Variants in TBC1D2B observed in about 807,000 individuals in gnomAD.
TBC1D2B encodes TBC1 domain family member 2B.
Under a neutral mutation model 100.8 loss-of-function variants are expected in TBC1D2B, and 64 were observed. The observed-to-expected ratio is 0.64, with a 90% confidence interval of 0.52 to 0.78. The LOEUF (loss-of-function observed/expected upper bound fraction) is 0.78, where lower values mean the gene tolerates loss of function less well. Ranked by LOEUF, TBC1D2B falls within the 30% of genes least tolerant of loss-of-function variation. TBC1D2B has a pLI of 0.00. For synonymous variants in TBC1D2B, 480 were observed against 479.7 expected (o/e 1.00, Z -0.01); for missense variants, 1,052 against 1,218.4 (o/e 0.86, Z 2.03).
chr15:78,072,788 T>G (rs1156508023), intron 1 of TBC1D2B, among the ~76,000 whole-genome samples: 2 of 152,180 alleles, frequency 1.3e-5, no homozygotes, highest in Non-Finnish European at 2.9e-5. Flanking sequence ...TTCCCCTAAG[T>G]GCCTCAGATT....
intron 1 of TBC1D2B, among the ~76,000 whole-genome samples, chr15:78,063,560 A>C (rs2073592947): frequency 6.6e-6 from 1 of 152,228 alleles, no homozygotes; most frequent in African/African-American, 2.4e-5. Context: ...TCAGTAGAGA[A>C]GGTCCTCTGG....
At chr15:78,039,157 T>C (rs1203879817) in intron 3 of TBC1D2B, among the ~76,000 whole-genome samples, 2 of 152,218 alleles carry the variant, frequency 1.3e-5, no homozygotes, top group East Asian at 3.8e-4. Flanking sequence ...GCCTTGTCTT[T>C]CTTGGCAGAC....
chr15:78,035,409 C>A (rs1392313435), intron 3 of TBC1D2B, among the ~76,000 whole-genome samples: 2 of 152,252 alleles, frequency 1.3e-5, no homozygotes, highest in African/African-American at 2.4e-5. Flanking sequence ...AACCCCTCCA[C>A]AAACCGCCTG....
intron 2 of TBC1D2B, among the ~76,000 whole-genome samples, chr15:78,050,552 A>G (rs2073292689): frequency 6.6e-6 from 1 of 152,222 alleles, no homozygotes; most frequent in Non-Finnish European, 1.5e-5. Flanking sequence ...TTTGGGTTCT[A>G]GCTACCTCAT....
rs1037419920 is a variant in TBC1D2B, at chr15:78,009,073, G to A, written c.2312C>T (p.Ala771Val). The part of the protein sequence containing the change: ...VALLYLEQED[A>V]FWCLVTIVEV... ...CACTATGGTAACGAGACACCAGAAA[G>A]CATCTTCTTGTTCCAGGTACAGGAG... The change falls in exon 10 of 13, where the codon GCT (alanine) becomes GTT (valine). Residue 771 changes from alanine to valine, a missense_variant. By Grantham distance (64) the Ala-to-Val change is moderately conservative. Around this residue, in one of 4 missense-constraint regions of TBC1D2B, gnomAD observed 373 missense variants for 464.9 expected, o/e 0.80. Coordinates refer to ENST00000300584, the MANE Select transcript of TBC1D2B (RefSeq NM_144572.2). 3.7e-6 allele frequency: 6 copies of A among 1,608,186 alleles called. No homozygotes were observed. Among genetic ancestry groups the A allele is most frequent in the Non-Finnish European group, 3.4e-6 (4 of 1,177,140 alleles).
chr15:78,070,793 G>C (rs1348890994), intron 1 of TBC1D2B, among the ~76,000 whole-genome samples: 1 of 152,204 alleles, frequency 6.6e-6, no homozygotes, highest in African/African-American at 2.4e-5. Flanking sequence ...AAGTAGCTGG[G>C]ACTAAAGACA....
intron 9 of TBC1D2B, among the ~76,000 whole-genome samples, chr15:78,009,746 G>A (rs190928779): frequency 6.0e-4 from 91 of 152,240 alleles, no homozygotes; most frequent in Non-Finnish European, 1.1e-3. Context: ...AGGCCGAGGC[G>A]GGCAGATCAC....
At chr15:78,065,532 C>T (rs1265879167) in intron 1 of TBC1D2B, among the ~76,000 whole-genome samples, 1 of 152,168 alleles carries the variant, frequency 6.6e-6, no homozygotes, top group East Asian at 1.9e-4. Flanking sequence ...AAAGGGAGCA[C>T]GAGGCCTCCA....
chr15:78,010,313 C>T (rs762772924), intron 9 of TBC1D2B, among the ~76,000 whole-genome samples: 4 of 152,152 alleles, frequency 2.6e-5, no homozygotes, highest in Non-Finnish European at 5.9e-5. Context: ...CCTGGTATGG[C>T]TCCAAGCGGG....
intron 9 of TBC1D2B, among the ~76,000 whole-genome samples, chr15:78,012,487 A>G (rs1397927316): frequency 6.6e-6 from 1 of 152,244 alleles, no homozygotes; most frequent in African/African-American, 2.4e-5. Flanking sequence ...ACAACGGGTG[A>G]CCACCAATTT....
rs758575980 is a variant in TBC1D2B, at chr15:78,024,315, G to A, written c.1311C>T (p.Asn437=). ...TCTCCATGAGCATTCCCAGCTGCTC[G>A]TTGAGCTCGCCCACTTTGCTCTTCA... ...RTLKSKVGEL[N]EQLGMLMETI... Residue 437 remains asparagine (N), a synonymous_variant, in exon 6 of 13, where the codon AAC becomes AAT. Transcript: ENST00000300584. The A allele has an allele frequency of 4.3e-6, 7 of 1,614,068 alleles. No homozygotes were observed. The East Asian group carries it at 6.7e-5, about 15-fold the overall frequency.
intron 1 of TBC1D2B, among the ~76,000 whole-genome samples, chr15:78,066,423 G>A (rs989462059): frequency 6.6e-6 from 1 of 152,160 alleles, no homozygotes; most frequent in Non-Finnish European, 1.5e-5. Flanking sequence ...CGGGAGGAGA[G>A]CAGTGTTTCA....
chr15:78,063,927 C>A (rs1420161977), intron 1 of TBC1D2B, among the ~76,000 whole-genome samples: 2 of 152,080 alleles, frequency 1.3e-5, no homozygotes, highest in Non-Finnish European at 2.9e-5. Context: ...TGGGCCTCTG[C>A]AACAGCTTCC....
At chr15:78,058,374 A>G (rs1261355809) in intron 1 of TBC1D2B, among the ~76,000 whole-genome samples, 4 of 152,140 alleles carry the variant, frequency 2.6e-5, no homozygotes, top group Non-Finnish European at 4.4e-5. Flanking sequence ...ACAACTCAAG[A>G]TAACTTCTCT....
In TBC1D2B at chr15:78,077,454, G is replaced by A. The variant is rs1387490993; in HGVS notation, c.199C>T (p.Leu67Phe). 2 of 1,540,508 alleles carry A rather than the reference G, an allele frequency of 1.3e-6. No homozygotes were observed. Among genetic ancestry groups the A allele is most frequent in the African/African-American group, 1.4e-5 (1 of 71,288 alleles). Residue 67 changes from leucine (L) to phenylalanine (F), a missense_variant, in exon 1 of 13, where the codon CTT becomes TTT. Physicochemically the swap from Leu to Phe is conservative, Grantham distance 22. Transcript: ENST00000300584. ...TCCTGCGGACTCTTGAAATAGTAAAGGTAGCAGCGGCGCGCGTCGAACACG... is the reference window on the plus strand; with the variant it reads ...TCCTGCGGACTCTTGAAATAGTAAAAGTAGCAGCGGCGCGCGTCGAACACG... ...WFVFDARRCYLYYFKSPQDAL... is the reference protein window; with the variant it reads ...WFVFDARRCYFYYFKSPQDAL...
chr15:78,053,968 G>A, intron 2 of TBC1D2B, 66 bp downstream of exon 2: 1 of 1,489,436 alleles, frequency 6.7e-7, no homozygotes, highest in South Asian at 1.3e-5. Context: ...TCACTGCTAA[G>A]TTCATATGTG....
At position 78,024,213 on chromosome 15, in the gene TBC1D2B, G is replaced by T. The variant is rs1473451946; in HGVS notation, c.1413C>A (p.Pro471=). Residue 471 remains proline, a synonymous_variant, in exon 6 of 13, where the codon CCC becomes CCA. Coordinates refer to ENST00000300584, the MANE Select transcript of TBC1D2B (RefSeq NM_144572.2). ...CAACAGGCACAACCGAAGGGGAGCT[G>T]GGCGCCACGGTGGGAGGAGGCCCGT... ...EGNGPPPTVA[P]SSPSVVPVAR... The T allele has an allele frequency of 2.5e-6, 4 of 1,613,876 alleles. No homozygotes were observed. The East Asian group carries it at 8.9e-5, about 36-fold the overall frequency.
chr15:78,020,948 C>T (rs965842702), intron 6 of TBC1D2B, among the ~76,000 whole-genome samples: 2 of 152,164 alleles, frequency 1.3e-5, no homozygotes, highest in African/African-American at 4.8e-5. Context: ...ACACTGAAAT[C>T]GCTAATGAAA....
At chr15:78,045,939 T>G (rs565119387) in intron 2 of TBC1D2B, among the ~76,000 whole-genome samples, 2 of 152,300 alleles carry the variant, frequency 1.3e-5, no homozygotes, top group South Asian at 2.1e-4. Flanking sequence ...TTTTCTTTTT[T>G]TTTCCCCCAT....
Sources: gnomAD v4.1 joint callset for allele counts (sites outside exome capture counted in the v4.1 genomes callset) on GRCh38, gnomAD v4.1.1 for gene constraint, gnomAD v4.1.1 regional missense constraint, MANE v1.5 for transcripts, NCBI Gene and HGNC (gene_info 2026-07-23, HGNC 2026-07-21) for gene names.